RALGAPA2: variants seen among roughly 807,000 people sequenced by gnomAD.
RALGAPA2 encodes Ral GTPase activating protein catalytic subunit alpha 2, also known as ral GTPase-activating protein subunit alpha-2.
Under a neutral mutation model 230.4 loss-of-function variants are expected in RALGAPA2, and 139 were observed. The ratio of observed to expected loss-of-function variants is 0.60; its 90% CI spans 0.53 to 0.69. The LOEUF is 0.69. Ranked by LOEUF, RALGAPA2 falls within the 30% of genes least tolerant of loss-of-function variation. RALGAPA2 has a pLI of 0.00. For synonymous variants in RALGAPA2, 847 were observed against 837.8 expected, an observed-to-expected ratio of 1.01 and a Z score of -0.19; for missense variants, 2,163 against 2,276.0, an observed-to-expected ratio of 0.95 and a Z score of 1.01.
At chr20:20,603,335 T>C (rs1023118835) in intron 15 of RALGAPA2, among the ~76,000 whole-genome samples, 2 of 152,242 alleles carry the variant, frequency 1.3e-5, no homozygotes, top group Non-Finnish European at 2.9e-5. Flanking sequence ...TGGCAAGCCA[T>C]TCTCAGATTT....
chr20:20,623,837 G>C (rs1045899031), intron 10 of RALGAPA2, among the ~76,000 whole-genome samples: 2 of 151,890 alleles, frequency 1.3e-5, no homozygotes, highest in African/African-American at 4.8e-5. Context: ...ATCTATTTTG[G>C]TGTCTTTTAT....
chr20:20,505,473 T>G lies in RALGAPA2; in HGVS notation c.4990A>C (p.Ile1664Leu). 6.2e-7 allele frequency: 1 copy of G among 1,604,622 alleles called. No homozygotes were observed. Among genetic ancestry groups the G allele is most frequent in the African/African-American group, 1.3e-5 (1 of 74,936 alleles). The change falls in exon 34 of 40, where the codon ATC (isoleucine) becomes CTC (leucine). Residue 1664 changes from isoleucine to leucine, a missense_variant. Transcript: ENST00000202677. ...TGGCTTCCTCTTTCATTAGAGAGGA[T>G]TGAACACTTGTCTTCTTGACCTTCA... ...IAEGQEDKCSILSNERGSQAY... is the reference protein window; with the variant it reads ...IAEGQEDKCSLLSNERGSQAY...
intron 35 of RALGAPA2, among the ~76,000 whole-genome samples, chr20:20,501,451 A>G (rs890432005): frequency 3.3e-5 from 5 of 152,210 alleles, no homozygotes; most frequent in South Asian, 2.1e-4. Flanking sequence ...GCAAGCTTCA[A>G]ACTTTTCTTC....
At chr20:20,441,267 AC>A (rs1397104889) in intron 37 of RALGAPA2, among the ~76,000 whole-genome samples, 1 of 152,184 alleles carries the variant, frequency 6.6e-6, no homozygotes, top group African/African-American at 2.4e-5. Context: ...TCACATGAGG[AC>A]CTTTTTCATA....
intron 30 of RALGAPA2, among the ~76,000 whole-genome samples, chr20:20,523,657 G>A (rs866088830): frequency 3.9e-5 from 6 of 152,078 alleles, no homozygotes; most frequent in Admixed American, 1.3e-4. Context: ...ATTTGATTAC[G>A]TGAATGTATT....
At chr20:20,668,820 T>A (rs1304825766) in intron 3 of RALGAPA2, among the ~76,000 whole-genome samples, 1 of 152,128 alleles carries the variant, frequency 6.6e-6, no homozygotes, top group Non-Finnish European at 1.5e-5. Context: ...AGTGAAACTA[T>A]GCAAAGAGAG....
Position 20,437,511 on chromosome 20 carries a change from T to A in RALGAPA2, c.5496-25363A>T, listed in dbSNP as rs985132120. ...TCACAGGAAAAGCGGAAGTCCTTAC[T>A]GTGGCTGGCAAGGCCCTGCCCCACT... On this transcript the variant is annotated intron_variant, in intron 37 of 39. Coordinates refer to ENST00000202677, the MANE Select transcript of RALGAPA2 (RefSeq NM_020343.4). This position sits in a 1 kb window ranked among gnomAD's most constrained non-coding sequence, Gnocchi z 4.1. 2.0e-5 allele frequency among the ~76,000 whole-genome samples: 3 copies of A among 152,224 alleles called. No individual in the cohort carries two copies. The highest frequency in any genetic ancestry group is 7.2e-5 in the African/African-American group (3 of 41,462).
intron 9 of RALGAPA2, among the ~76,000 whole-genome samples, chr20:20,630,039 A>G (rs1366521731): frequency 2.0e-5 from 3 of 152,234 alleles, no homozygotes; most frequent in Non-Finnish European, 4.4e-5. Context: ...CATATGACTA[A>G]GCGGCAGCTT....
intron 32 of RALGAPA2, 79 bp from the exon 33 acceptor site, chr20:20,511,404 A>G: frequency 6.7e-7 from 1 of 1,491,592 alleles, no homozygotes; most frequent in East Asian, 2.5e-5. Flanking sequence ...AATTTAATAA[A>G]AATACCTATC....
Position 20,521,062 on chromosome 20 carries a change from G to A in RALGAPA2, c.3939C>T (p.Thr1313=), listed in dbSNP as rs889514006. 5 of 1,613,550 alleles carry A rather than the reference G, an allele frequency of 3.1e-6. No individual in the cohort carries two copies. Among genetic ancestry groups the A allele is most frequent in the Non-Finnish European group, 4.2e-6 (5 of 1,179,630 alleles). ...GGGTCAGTATGTAGTGACTCTGTTG[G>A]GTGTACGTGCTTGAGCCACACACAC... ...HCCVCGSSTY[T]QQSHYILTLA... is the part of the protein sequence containing the mutation. The change falls in exon 31 of 40, where the codon ACC becomes ACT. Residue 1313 remains threonine, a synonymous_variant. Transcript: ENST00000202677.
chr20:20,454,244 C>T (rs1464614678), intron 37 of RALGAPA2, among the ~76,000 whole-genome samples: 1 of 152,108 alleles, frequency 6.6e-6, no homozygotes, highest in Non-Finnish European at 1.5e-5. Flanking sequence ...CCACAGAGCT[C>T]GAAACAAAGA....
At chr20:20,394,788 C>T (rs2059673298) in intron 39 of RALGAPA2, among the ~76,000 whole-genome samples, 1 of 147,808 alleles carries the variant, frequency 6.8e-6, no homozygotes, top group South Asian at 2.1e-4. Flanking sequence ...GCATTTAATC[C>T]AGGGTGTGGG....
At chr20:20,695,883 C>T (rs1329630521) in intron 1 of RALGAPA2, among the ~76,000 whole-genome samples, 1 of 152,170 alleles carries the variant, frequency 6.6e-6, no homozygotes, top group Non-Finnish European at 1.5e-5. Context: ...GTGTTTGCTG[C>T]CTTTGCAACC....
Position 20,505,440 on chromosome 20 carries a change from C to CAT in RALGAPA2, c.5021_5022dup (p.Glu1675MetfsTer44). 6.2e-7 allele frequency: 1 copy of CAT among 1,601,554 alleles called. No homozygotes were observed. Among genetic ancestry groups the CAT allele is most frequent in the African/African-American group, 1.3e-5 (1 of 74,880 alleles). On this transcript the variant is annotated frameshift_variant, in exon 34 of 40. Coordinates refer to ENST00000202677, the MANE Select transcript of RALGAPA2 (RefSeq NM_020343.4). LOFTEE classifies it high-confidence loss of function. ...CATCCAAGTCCAGCAACAAAGTCTTCATATGCTTGGCTTCCTCTTTCATTA... is the reference window on the plus strand; with the variant it reads ...CATCCAAGTCCAGCAACAAAGTCTTCATATATGCTTGGCTTCCTCTTTCATTA...
chr20:20,531,867 C>G (rs991890248), intron 26 of RALGAPA2, 72 bp from the exon 27 acceptor site: 18 of 1,138,286 alleles, frequency 1.6e-5, no homozygotes, highest in Non-Finnish European at 2.2e-5. Context: ...TTTCAAATAA[C>G]AAAACACTTT....
chr20:20,435,070 T>C (rs1355417308), intron 37 of RALGAPA2, among the ~76,000 whole-genome samples: 1 of 152,278 alleles, frequency 6.6e-6, no homozygotes, highest in African/African-American at 2.4e-5. Flanking sequence ...ATGTGGACTC[T>C]GTTCTTCACC....
intron 16 of RALGAPA2, among the ~76,000 whole-genome samples, chr20:20,594,362 T>C (rs974930085): frequency 3.3e-5 from 5 of 152,208 alleles, no homozygotes; most frequent in African/African-American, 1.2e-4. Flanking sequence ...GAGCAATTTA[T>C]GTTAAATCTG....
rs986795446 is a variant in RALGAPA2 at position 20,660,800 on chromosome 20, T to C, written c.271-7213A>G. The stretch of plus-strand genomic sequence containing the variant: ...CTGACAGTAGATAGAGCCTAGACTA[T>C]GTCTCACCTCCCTCCCAGGTGACTT... On this transcript the variant is annotated intron_variant, in intron 3 of 39. Transcript: ENST00000202677. 7.9e-5 allele frequency among the ~76,000 whole-genome samples: 12 copies of C among 152,126 alleles called. No homozygotes were observed. In the East Asian group the frequency reaches 2.3e-3, roughly 29 times the overall value.
chr20:20,712,346 C>A lies in RALGAPA2; in HGVS notation c.106+29G>T. ...CGGCAGGTGCCCCTAACCCGGCGCC[C>A]CGACCCCCGCGCCCGGCGCGCGCCT... On this transcript the variant is annotated intron_variant, in intron 1 of 39. Coordinates refer to ENST00000202677, the MANE Select transcript of RALGAPA2 (RefSeq NM_020343.4). This position sits in a 1 kb window ranked among gnomAD's most constrained non-coding sequence, Gnocchi z 5.5. 1 of 1,544,064 alleles carries A rather than the reference C, an allele frequency of 6.5e-7. No individual in the cohort carries two copies. The highest frequency in any genetic ancestry group is 1.2e-5 in the South Asian group (1 of 83,742).
Sources: gnomAD v4.1 joint callset for allele counts (sites outside exome capture counted in the v4.1 genomes callset) on GRCh38, gnomAD v4.1.1 for gene constraint, Gnocchi (gnomAD v3.1) non-coding constraint, MANE v1.5 for transcripts, NCBI Gene and HGNC (gene_info 2026-07-23, HGNC 2026-07-21) for gene names.